KAZN: variants seen among roughly 807,000 people sequenced by gnomAD.
KAZN encodes the protein kazrin.
A neutral mutation model predicts 87.4 loss-of-function variants in KAZN; 40 were observed. The observed-to-expected ratio is 0.46, with a 90% CI of 0.36 to 0.60. The LOEUF is 0.60. Ranked by LOEUF, KAZN falls within the 20% of genes least tolerant of loss-of-function variation. The pLI is 0.00. For synonymous variants in KAZN, 466 were observed against 458.3 expected, an observed-to-expected ratio of 1.02 and a Z score of -0.22; for missense variants, 898 against 1,073.9, an observed-to-expected ratio of 0.84 and a Z score of 2.29.
chr1:14,904,700 T>C (rs1265549127), intron 1 of KAZN, among the ~76,000 whole-genome samples: 5 of 152,238 alleles, frequency 3.3e-5, no homozygotes, highest in Non-Finnish European at 4.4e-5. Flanking sequence ...CATGTGCCAC[T>C]GGCCCCAAAG....
At chr1:14,264,669 A>G (rs1338479310) in intron 2 of KAZN, among the ~76,000 whole-genome samples, 2 of 152,222 alleles carry the variant, frequency 1.3e-5, no homozygotes, top group African/African-American at 4.8e-5. Flanking sequence ...AGCCTTCAGC[A>G]CTGTGAGAAG....
chr1:14,061,933 C>G (rs1642810994), intron 1 of KAZN, among the ~76,000 whole-genome samples: 1 of 152,066 alleles, frequency 6.6e-6, no homozygotes, highest in Non-Finnish European at 1.5e-5. Flanking sequence ...TGCTTATGGA[C>G]TTGCTAACTT....
intron 2 of KAZN, among the ~76,000 whole-genome samples, chr1:14,444,795 GC>G (rs926640874): frequency 1.3e-5 from 2 of 152,036 alleles, no homozygotes; most frequent in African/African-American, 4.8e-5. Flanking sequence ...TTAAATAAGA[GC>G]CCAAAACATT....
chr1:13,934,677 T>C (rs1173819589), intron 1 of KAZN, among the ~76,000 whole-genome samples: 2 of 152,218 alleles, frequency 1.3e-5, no homozygotes, highest in African/African-American at 4.8e-5. Flanking sequence ...TCTCTGCCTG[T>C]TGAAACCCTT....
chr1:15,110,521 G>GTGTGCA (rs1401756387), intron 13 of KAZN, among the ~76,000 whole-genome samples: 9 of 119,900 alleles, frequency 7.5e-5, no homozygotes, highest in Non-Finnish European at 1.1e-4. Flanking sequence ...GTGTTTGTGT[G>GTGTGCA]TATGTGTTTG....
intron 2 of KAZN, among the ~76,000 whole-genome samples, chr1:14,226,445 G>A (rs912917788): frequency 9.9e-5 from 15 of 152,024 alleles, no homozygotes; most frequent in Admixed American, 7.9e-4. Flanking sequence ...TTCTGGTAAC[G>A]TTGCAGAGAA....
rs577995374 is a variant in KAZN at position 14,415,797 on chromosome 1, C to T, written c.250-183186C>T. Among the ~76,000 whole-genome samples, 6 of 152,222 alleles carry T rather than the reference C, an allele frequency of 3.9e-5. No individual in the cohort carries two copies. In the South Asian group the frequency reaches 1.2e-3, roughly 32 times the overall value. On this transcript the variant is annotated intron_variant, in intron 2 of 16. Transcript: ENST00000636203. ...TCCCTACTTCCCTACCAGTATTAGC[C>T]CCGCTTCCCCCAAAGAACCCCTTGT...
At chr1:14,247,931 A>G (rs1005722428) in intron 2 of KAZN, among the ~76,000 whole-genome samples, 2 of 152,088 alleles carry the variant, frequency 1.3e-5, no homozygotes, top group Non-Finnish European at 2.9e-5. Flanking sequence ...ATTTCAGCTG[A>G]GAAGTACTGA....
intron 2 of KAZN, among the ~76,000 whole-genome samples, chr1:14,469,409 T>C (rs1417608286): frequency 6.6e-6 from 1 of 152,142 alleles, no homozygotes; most frequent in Non-Finnish European, 1.5e-5. Context: ...GAACTTGGCT[T>C]TGTAGGAGAC....
chr1:14,031,380 A>G (rs1335737091), intron 1 of KAZN, among the ~76,000 whole-genome samples: 1 of 152,250 alleles, frequency 6.6e-6, no homozygotes, highest in East Asian at 1.9e-4. Context: ...CAAATTGGCT[A>G]GCTACCCAGA....
rs148166226 is a variant in KAZN at position 14,679,925 on chromosome 1, G to A, written c.226+80702G>A. ...TAAGGCTCAAGGAGGCACCACTTGT[G>A]TCAAGGGTGAAGGATGCAGTGAGGA... On this transcript the variant is annotated intron_variant, in intron 1 of 14. Coordinates refer to ENST00000376030, the MANE Select transcript of KAZN (RefSeq NM_201628.3). 7.4e-3 allele frequency among the ~76,000 whole-genome samples: 1,130 copies of A among 152,220 alleles called. 17 individuals are homozygous for A. Among genetic ancestry groups the A allele is most frequent in the African/African-American group, 0.026 (1,059 of 41,524 alleles).
At chr1:14,999,399 T>C (rs1299147434) in intron 2 of KAZN, among the ~76,000 whole-genome samples, 1 of 152,190 alleles carries the variant, frequency 6.6e-6, no homozygotes, top group Non-Finnish European at 1.5e-5. Context: ...CAGGAGAGCA[T>C]GGGAGGCCCT....
At chr1:14,411,743 T>C (rs1032282600) in intron 2 of KAZN, among the ~76,000 whole-genome samples, 12 of 151,884 alleles carry the variant, frequency 7.9e-5, no homozygotes, top group African/African-American at 2.7e-4. Context: ...GAAAAAAACA[T>C]GTGATTCAAC....
At chr1:14,450,434 C>CA (rs1667209419) in intron 2 of KAZN, among the ~76,000 whole-genome samples, 1 of 151,998 alleles carries the variant, frequency 6.6e-6, no homozygotes. Flanking sequence ...ACTAAAAATA[C>CA]AAAAAATTAG....
intron 2 of KAZN, among the ~76,000 whole-genome samples, chr1:14,420,426 C>T (rs1411896093): frequency 1.3e-5 from 2 of 152,226 alleles, no homozygotes; most frequent in African/African-American, 4.8e-5. Flanking sequence ...CTGGCTTCAC[C>T]TAGTGGATTC....
At position 14,025,903 on chromosome 1, in the gene KAZN, G is replaced by T. The variant is rs542398821; in HGVS notation, c.91+132147G>T. 2.0e-5 allele frequency among the ~76,000 whole-genome samples: 3 copies of T among 152,274 alleles called. No individual in the cohort carries two copies. In the East Asian group the frequency reaches 5.8e-4, roughly 29 times the overall value. On this transcript the variant is annotated intron_variant, in intron 1 of 16. Transcript: ENST00000636203. The stretch of plus-strand genomic sequence containing the variant: ...GTGAAAATACTGTCCTCTGTTTAGA[G>T]ACTATAGACTCTTCAACTGGATGCA...
chr1:14,724,482 A>AT (rs1643284197), intron 1 of KAZN, among the ~76,000 whole-genome samples: 1 of 152,172 alleles, frequency 6.6e-6, no homozygotes, highest in Non-Finnish European at 1.5e-5. Flanking sequence ...ACCTAAGTAG[A>AT]TTACTCAGCA....
intron 1 of KAZN, among the ~76,000 whole-genome samples, chr1:14,834,881 A>G (rs3856272): frequency 0.067 from 10,200 of 152,200 alleles, 567 homozygotes; most frequent in African/African-American, 0.15. Context: ...CTGAGTCTGG[A>G]TTCAGTAGAT....
At chr1:14,535,594 A>T (rs1346790498) in intron 2 of KAZN, among the ~76,000 whole-genome samples, 2 of 152,084 alleles carry the variant, frequency 1.3e-5, no homozygotes, top group Non-Finnish European at 2.9e-5. Flanking sequence ...TGAACCAGGG[A>T]ATAGGGGGTT....
Sources: allele counts gnomAD v4.1 joint callset (sites outside exome capture counted in the v4.1 genomes callset), GRCh38; gene constraint gnomAD v4.1.1; transcripts MANE v1.5; gene names NCBI Gene and HGNC (gene_info 2026-07-23, HGNC 2026-07-21).